The following ABCC11 variants were observed in gnomAD, a reference collection of about 807,000 sequenced individuals.
The protein encoded by ABCC11 is ATP binding cassette subfamily C member 11.
A neutral mutation model predicts 149.3 loss-of-function variants in ABCC11; 135 were observed. The observed-to-expected ratio is 0.90, with a 90% CI of 0.79 to 1.04. The LOEUF (loss-of-function observed/expected upper bound fraction) is 1.04, where lower values mean the gene tolerates loss of function less well. ABCC11 is among the 50% of genes least tolerant of loss of function. ABCC11 has a pLI of 0.00. For missense variants in ABCC11, 1,680 were observed against 1,722.1 expected (o/e 0.98, Z 0.43); for synonymous variants, 665 against 671.4 (o/e 0.99, Z 0.15).
chr16:48,187,669 G>A (rs908319032), intron 20 of ABCC11, among the ~76,000 whole-genome samples: 7 of 152,160 alleles, frequency 4.6e-5, no homozygotes, highest in East Asian at 1.9e-4. Flanking sequence ...CCTCGTTAGC[G>A]AAATGGGAAT....
chr16:48,215,090 G>A lies in ABCC11; in HGVS notation c.1100-61C>T. On this transcript the variant is annotated intron_variant, in intron 8 of 29. Coordinates refer to ENST00000356608, the MANE Select transcript of ABCC11 (RefSeq NM_001370497.1). Reference sequence around the variant, plus strand: ...ACAAGAACATTCTCCAAAGAGCACAGCACCATCCCCAAAGCATTAAAAAGA... The same window carrying A: ...ACAAGAACATTCTCCAAAGAGCACAACACCATCCCCAAAGCATTAAAAAGA... 2.5e-6 allele frequency: 4 copies of A among 1,596,012 alleles called. No individual in the cohort carries two copies. In the South Asian group the frequency reaches 4.5e-5, roughly 18 times the overall value.
intron 5 of ABCC11, among the ~76,000 whole-genome samples, chr16:48,223,089 G>A (rs7195606): frequency 0.13 from 20,502 of 152,256 alleles, 1,724 homozygotes; most frequent in African/African-American, 0.24. Flanking sequence ...ACAAAACAGT[G>A]ATTTAGGCGT....
chr16:48,231,774 T>A, intron 2 of ABCC11, 49 bp downstream of exon 2: 2 of 1,596,870 alleles, frequency 1.3e-6, no homozygotes, highest in South Asian at 2.2e-5. Flanking sequence ...GTGGAGAATA[T>A]TCTGCCAACT....
Position 48,200,440 on chromosome 16 carries a change from G to C in ABCC11, c.1918C>G (p.Gln640Glu). The change falls in exon 15 of 30, where the codon CAG becomes GAG. Residue 640 changes from glutamine (Q) to glutamate (E), a missense_variant. Coordinates refer to ENST00000356608, the MANE Select transcript of ABCC11 (RefSeq NM_001370497.1). ...ACGGCGCGGGCCAGGCTGATCCTCT[G>C]TTTCTGCCCCCCAGAGAGGTTGAGG... The part of the protein sequence containing the change: ...RGLNLSGGQK[Q>E]RISLARAVYS... 4 of 1,614,218 alleles carry C rather than the reference G, an allele frequency of 2.5e-6. No individual in the cohort carries two copies. Among genetic ancestry groups the C allele is most frequent in the Non-Finnish European group, 3.4e-6 (4 of 1,180,040 alleles).
At chr16:48,240,742 A>G (rs1970925437) in intron 1 of ABCC11, among the ~76,000 whole-genome samples, 1 of 152,120 alleles carries the variant, frequency 6.6e-6, no homozygotes, top group South Asian at 2.1e-4. Context: ...CAACCTAATA[A>G]AAGTTGAAGG....
chr16:48,219,000 G>A (rs920062604), intron 6 of ABCC11, among the ~76,000 whole-genome samples: 5 of 152,100 alleles, frequency 3.3e-5, no homozygotes, highest in African/African-American at 1.2e-4. Context: ...TAGTATCATT[G>A]ATGTAAAAAA....
rs544674351 is a variant in ABCC11, at chr16:48,208,352, G to A, written c.1680+73C>T. 46 of 1,571,850 alleles carry A rather than the reference G, an allele frequency of 2.9e-5. No homozygotes were observed. In the Middle Eastern group the frequency reaches 7.3e-4, roughly 25 times the overall value. ...GAGGAAGAAAGCAGTGGGGGGCCCC[G>A]CCTGGGGCACTGGAGCTTGGGAGGG... On this transcript the variant is annotated intron_variant, in intron 12 of 29. Transcript: ENST00000356608.
intron 20 of ABCC11, among the ~76,000 whole-genome samples, chr16:48,190,113 G>C (rs1966860225): frequency 6.6e-6 from 1 of 152,128 alleles, no homozygotes; most frequent in Non-Finnish European, 1.5e-5. Flanking sequence ...AAGACAAGGT[G>C]CCTCTTATGT....
At chr16:48,246,711 A>C (rs1180701046) in intron 1 of ABCC11, among the ~76,000 whole-genome samples, 1 of 152,008 alleles carries the variant, frequency 6.6e-6, no homozygotes, top group African/African-American at 2.4e-5. Context: ...AGTGGCTGGG[A>C]CTATAGGCGT....
chr16:48,231,977 A>G, intron 1 of ABCC11, 38 bp from the exon 2 acceptor site: 1 of 1,611,640 alleles, frequency 6.2e-7, no homozygotes, highest in East Asian at 2.2e-5. Context: ...AAAAGACAGC[A>G]GGAGTTAGAA....
chr16:48,230,176 G>A (rs372551659), intron 3 of ABCC11, among the ~76,000 whole-genome samples: 2 of 152,192 alleles, frequency 1.3e-5, no homozygotes, highest in Non-Finnish European at 2.9e-5. Context: ...CAAAGATCAC[G>A]TCTGTTTGCT....
At chr16:48,190,644 C>T (rs918924480) in intron 20 of ABCC11, among the ~76,000 whole-genome samples, 4 of 152,146 alleles carry the variant, frequency 2.6e-5, no homozygotes, top group South Asian at 4.1e-4. Context: ...GGATTCCAGG[C>T]GTGAGCTACT....
intron 10 of ABCC11, among the ~76,000 whole-genome samples, chr16:48,212,493 C>T (rs1969009591): frequency 1.3e-5 from 2 of 152,236 alleles, no homozygotes; most frequent in African/African-American, 4.8e-5. Flanking sequence ...TGTTGGGCCA[C>T]ATTCAAAGCC....
intron 20 of ABCC11, among the ~76,000 whole-genome samples, chr16:48,190,648 A>C (rs1165319678): frequency 6.6e-6 from 1 of 152,232 alleles, no homozygotes; most frequent in Non-Finnish European, 1.5e-5. Context: ...TCCAGGCGTG[A>C]GCTACTGCAC....
chr16:48,187,489 G>A (rs1966818719), intron 20 of ABCC11, 62 bp from the exon 21 acceptor site: 4 of 1,393,548 alleles, frequency 2.9e-6, no homozygotes, highest in Admixed American at 3.9e-5. Flanking sequence ...AAGATTGGAT[G>A]AAGATGCCTG....
intron 12 of ABCC11, among the ~76,000 whole-genome samples, chr16:48,206,909 A>C (rs1422967282): frequency 6.6e-6 from 1 of 152,200 alleles, no homozygotes. Flanking sequence ...AGCTCTTTGC[A>C]CAGGACTTCG....
chr16:48,244,790 C>T lies in ABCC11; in HGVS notation c.-19+2524G>A, dbSNP rs73555645. On this transcript the variant is annotated intron_variant, in intron 1 of 29. Coordinates refer to ENST00000356608, the MANE Select transcript of ABCC11 (RefSeq NM_001370497.1). ...GCAAAATGGGGATGTCAGATACCTG[C>T]CCCATGACCATGAATGAGATCGTTC... 4.6e-3 allele frequency among the ~76,000 whole-genome samples: 706 copies of T among 152,320 alleles called. 6 individuals are homozygous for T. Among genetic ancestry groups the T allele is most frequent in the African/African-American group, 0.015 (628 of 41,574 alleles).
intron 20 of ABCC11, among the ~76,000 whole-genome samples, chr16:48,187,770 T>C (rs1966836893): frequency 6.6e-6 from 1 of 152,158 alleles, no homozygotes; most frequent in South Asian, 2.1e-4. Context: ...GCTGAATGTA[T>C]GGTATATGAA....
At chr16:48,203,059 C>T (rs2150829742) in intron 14 of ABCC11, among the ~76,000 whole-genome samples, 169 bp downstream of exon 14, 1 of 152,304 alleles carries the variant, frequency 6.6e-6, no homozygotes, top group Non-Finnish European at 1.5e-5. Flanking sequence ...AAGCTGAGCC[C>T]CAACCTCCCT....
Sources: allele counts gnomAD v4.1 joint callset (sites outside exome capture counted in the v4.1 genomes callset), GRCh38; gene constraint gnomAD v4.1.1; transcripts MANE v1.5; gene names NCBI Gene and HGNC (gene_info 2026-07-23, HGNC 2026-07-21).